ADGRB3: variants seen among roughly 807,000 people sequenced by gnomAD.
ADGRB3 encodes brain-specific angiogenesis inhibitor 3.
Under a neutral mutation model 193.4 loss-of-function variants are expected in ADGRB3, and 37 were observed. That is an observed-to-expected ratio of 0.19 (90% confidence interval 0.15 to 0.25). The LOEUF (loss-of-function observed/expected upper bound fraction) is 0.25. Among genes scored for constraint, ADGRB3 ranks in the 10% least tolerant of loss-of-function variants. The probability of loss-of-function intolerance (pLI) is 1.00; values close to 1 mark genes in which losing one functional copy is unlikely to be tolerated. For missense variants in ADGRB3, 1,637 were observed against 1,852.9 expected, an observed-to-expected ratio of 0.88 and a Z score of 2.14; for synonymous variants, 690 against 644.2, an observed-to-expected ratio of 1.07 and a Z score of -1.08.
chr6:69,368,708 T>G (rs1176807543), intron 29 of ADGRB3, among the ~76,000 whole-genome samples: 2 of 151,830 alleles, frequency 1.3e-5, no homozygotes, highest in African/African-American at 4.8e-5. Flanking sequence ...GGGGGAAAAA[T>G]AAGAAGACTG....
At chr6:69,217,574 G>A (rs1765794188) in intron 17 of ADGRB3, among the ~76,000 whole-genome samples, 1 of 152,132 alleles carries the variant, frequency 6.6e-6, no homozygotes, top group African/African-American at 2.4e-5. Context: ...GTTCAAGGTG[G>A]CCTGGTTGCA....
chr6:69,357,171 A>T (rs1342334952), intron 28 of ADGRB3, among the ~76,000 whole-genome samples: 1 of 152,066 alleles, frequency 6.6e-6, no homozygotes, highest in Admixed American at 6.6e-5. Context: ...TATCGTGCTC[A>T]AATATATACA....
chr6:68,705,972 G>C (rs908009976), intron 3 of ADGRB3, among the ~76,000 whole-genome samples: 1 of 152,148 alleles, frequency 6.6e-6, no homozygotes, highest in African/African-American at 2.4e-5. Flanking sequence ...ATCATCTAAA[G>C]GATGATGGTG....
chr6:68,713,688 C>A (rs1765441858), intron 3 of ADGRB3, among the ~76,000 whole-genome samples: 1 of 151,354 alleles, frequency 6.6e-6, no homozygotes, highest in South Asian at 2.1e-4. Context: ...CATCTAGTAT[C>A]TTTTCTTTAG....
At chr6:68,966,959 A>G (rs1255869029) in intron 8 of ADGRB3, among the ~76,000 whole-genome samples, 2 of 152,320 alleles carry the variant, frequency 1.3e-5, no homozygotes, top group East Asian at 1.9e-4. Context: ...TGCTTTTGGT[A>G]TAAGCATAAA....
chr6:68,945,850 C>G (rs539666418), intron 6 of ADGRB3, among the ~76,000 whole-genome samples: 1 of 152,098 alleles, frequency 6.6e-6, no homozygotes. Context: ...GGTTGTGGAA[C>G]TTTATCACTC....
intron 16 of ADGRB3, among the ~76,000 whole-genome samples, chr6:69,072,369 G>A (rs1032667064): frequency 6.6e-6 from 1 of 152,164 alleles, no homozygotes; most frequent in Non-Finnish European, 1.5e-5. Context: ...GAAGTAAGGG[G>A]TGAAGAACAT....
At chr6:69,212,386 G>A (rs935376623) in intron 17 of ADGRB3, among the ~76,000 whole-genome samples, 1 of 152,046 alleles carries the variant, frequency 6.6e-6, no homozygotes, top group African/African-American at 2.4e-5. Context: ...CCGCACTATC[G>A]AGTTCCCATT....
At chr6:69,067,669 G>A (rs1771947420) in intron 16 of ADGRB3, among the ~76,000 whole-genome samples, 1 of 152,084 alleles carries the variant, frequency 6.6e-6, no homozygotes, top group Non-Finnish European at 1.5e-5. Context: ...CCATTTGGAA[G>A]TGGTTTCTGA....
intron 16 of ADGRB3, among the ~76,000 whole-genome samples, chr6:69,068,012 A>G (rs953049249): frequency 2.0e-5 from 3 of 152,148 alleles, no homozygotes; most frequent in Non-Finnish European, 2.9e-5. Context: ...TGTCACATCC[A>G]CTGAAATATG....
intron 3 of ADGRB3, among the ~76,000 whole-genome samples, chr6:68,643,282 T>C (rs1418913921): frequency 1.3e-5 from 2 of 152,150 alleles, no homozygotes; most frequent in Non-Finnish European, 2.9e-5. Flanking sequence ...TGCCTGCGTG[T>C]GTATGTGTTG....
chr6:69,265,507 C>T (rs62408263), intron 20 of ADGRB3, among the ~76,000 whole-genome samples: 22,589 of 151,774 alleles, frequency 0.15, 1,778 homozygotes, highest in Non-Finnish European at 0.18. Flanking sequence ...TTTCTTAAAG[C>T]ACCCAAATCT....
chr6:69,216,956 G>A (rs1765782942), intron 17 of ADGRB3, among the ~76,000 whole-genome samples: 1 of 152,334 alleles, frequency 6.6e-6, no homozygotes, highest in South Asian at 2.1e-4. Flanking sequence ...TGTCCTACCT[G>A]TAACCTGTCT....
intron 11 of ADGRB3, among the ~76,000 whole-genome samples, chr6:69,004,750 G>A (rs758124567): frequency 6.6e-6 from 1 of 152,132 alleles, no homozygotes; most frequent in Admixed American, 6.5e-5. Flanking sequence ...TATGTCCAAA[G>A]ACAATCACAT....
chr6:68,943,633 A>G (rs1203534512), intron 5 of ADGRB3, among the ~76,000 whole-genome samples, 197 bp from the exon 6 acceptor site: 3 of 152,222 alleles, frequency 2.0e-5, no homozygotes, highest in Admixed American at 6.5e-5. Flanking sequence ...AAAAAAGCAC[A>G]TGCAATTTTT....
chr6:69,210,149 C>CATATATATATATATATATATATGAT (rs58586306), intron 17 of ADGRB3, among the ~76,000 whole-genome samples: 5 of 78,932 alleles, frequency 6.3e-5, no homozygotes, highest in African/African-American at 1.9e-4. Flanking sequence ...TAATATATAT[C>CATATATATATATATATATATATGAT]ATATATATAT....
chr6:68,880,261 T>C (rs1466503154), intron 3 of ADGRB3, among the ~76,000 whole-genome samples: 1 of 152,180 alleles, frequency 6.6e-6, no homozygotes, highest in Admixed American at 6.5e-5. Context: ...CATCTGCTAG[T>C]AATTCCTGCA....
At chr6:68,967,574 C>G (rs547715198) in intron 8 of ADGRB3, among the ~76,000 whole-genome samples, 5 of 152,058 alleles carry the variant, frequency 3.3e-5, no homozygotes, top group South Asian at 4.2e-4. Context: ...TAACTGGACA[C>G]GGCTATCTAC....
chr6:69,297,029 C>T lies in ADGRB3; in HGVS notation c.2815-27843C>T, dbSNP rs117763955. Among the ~76,000 whole-genome samples, 156 of 152,186 alleles carry T rather than the reference C, an allele frequency of 1.0e-3. 2 individuals are homozygous for T. In the East Asian group the frequency reaches 0.027, roughly 26 times the overall value. ...TTTGCCACTTTGAAGCATTAGTTGGCCAAGTTCTCATCTTTCTCAGACTTT... is the reference window on the plus strand; with the variant it reads ...TTTGCCACTTTGAAGCATTAGTTGGTCAAGTTCTCATCTTTCTCAGACTTT... On this transcript the variant is annotated intron_variant, in intron 20 of 31. Transcript: ENST00000370598.
Sources: allele counts gnomAD v4.1 joint callset (sites outside exome capture counted in the v4.1 genomes callset), GRCh38; gene constraint gnomAD v4.1.1; transcripts MANE v1.5; gene names NCBI Gene and HGNC (gene_info 2026-07-23, HGNC 2026-07-21).